Variants in GPR85 observed in about 807,000 individuals in gnomAD.
GPR85 encodes probable G protein-coupled receptor 85.
In GPR85, 7 loss-of-function variants were observed where a neutral mutation model predicts 21.3. The observed-to-expected ratio is 0.33, with a 90% CI of 0.19 to 0.62. GPR85 has a LOEUF of 0.62. Among genes scored for constraint, GPR85 ranks in the 20% least tolerant of loss-of-function variants. GPR85 has a pLI of 0.80. For missense variants in GPR85, 299 were observed against 443.8 expected (o/e 0.67, Z 2.93); for synonymous variants, 167 against 166.1 (o/e 1.01, Z -0.04).
rs1794208658 is a variant in GPR85, at chr7:113,084,139, G to A, written c.583C>T (p.Leu195Phe). The A allele has an allele frequency of 6.2e-7, 1 of 1,614,178 alleles. No homozygotes were observed. Among genetic ancestry groups the A allele is most frequent in the Non-Finnish European group, 8.5e-7 (1 of 1,180,028 alleles). ...LGFMLLLALILLATQLVYLKL... is the reference protein window; with the variant it reads ...LGFMLLLALIFLATQLVYLKL... ...AGGTAGACAAGCTGTGTGGCTAGGA[G>A]GATGAGAGCAAGAAGCAGCATAAAT... is the stretch of plus-strand genomic sequence containing the variant. Residue 195 changes from leucine (L) to phenylalanine (F), a missense_variant, in exon 3 of 3, where the codon CTC becomes TTC. Physicochemically the swap from Leu to Phe is conservative, Grantham distance 22. Transcript: ENST00000424100.
rs781318878 is a variant in GPR85, at chr7:113,083,668, T to C, written c.1054A>G (p.Thr352Ala). The C allele has an allele frequency of 8.7e-6, 14 of 1,614,038 alleles. No homozygotes were observed. Among genetic ancestry groups the C allele is most frequent in the Admixed American group, 1.7e-5 (1 of 60,002 alleles). ...SNRELRRCFS[T>A]TLLYCRKSRL... Reference sequence around the variant, plus strand: ...GATTTTCTGCAGTAAAGAAGGGTTGTGCTGAAACAGCGCCTCAGCTCCCTG... The same window carrying C: ...GATTTTCTGCAGTAAAGAAGGGTTGCGCTGAAACAGCGCCTCAGCTCCCTG... Residue 352 changes from threonine to alanine, a missense_variant, in exon 3 of 3, where the codon ACA (threonine) becomes GCA (alanine). Thr to Ala is a moderately conservative substitution (Grantham distance 58). This residue lies in a region of GPR85 where 198 missense variants were observed against 335.4 expected (regional missense o/e 0.59). Coordinates refer to ENST00000424100, the MANE Select transcript of GPR85 (RefSeq NM_001146267.2). The surrounding 1 kb of genome is among the most constrained non-coding windows in gnomAD (Gnocchi z 4.4).
In GPR85 at chr7:113,083,622, T is replaced by G; in HGVS notation, c.1100A>C (p.Tyr367Ser). 1 of 1,613,444 alleles carries G rather than the reference T, an allele frequency of 6.2e-7. No individual in the cohort carries two copies. Among genetic ancestry groups the G allele is most frequent in the Non-Finnish European group, 8.5e-7 (1 of 1,179,592 alleles). Reference protein sequence around the residue: ...CRKSRLPREPYCVI With the variant: ...CRKSRLPREPSCVI ...ACAGATGCTCCCTCATATAACACAG[T>G]AAGGTTCCCTTGGTAACCTGGATTT... Residue 367 changes from tyrosine to serine, a missense_variant, in exon 3 of 3, where the codon TAC becomes TCC. This residue lies in a region of GPR85 where 198 missense variants were observed against 335.4 expected (regional missense o/e 0.59). Coordinates refer to ENST00000424100, the MANE Select transcript of GPR85 (RefSeq NM_001146267.2). The surrounding 1 kb of genome is among the most constrained non-coding windows in gnomAD (Gnocchi z 4.4).
chr7:113,083,571 G>C lies in GPR85; in HGVS notation c.*38C>G, dbSNP rs746257901. 7 of 1,555,526 alleles carry C rather than the reference G, an allele frequency of 4.5e-6. No homozygotes were observed. The highest frequency in any genetic ancestry group is 6.1e-6 in the Non-Finnish European group (7 of 1,146,492). On this transcript the variant is annotated 3_prime_UTR_variant, in exon 3 of 3. Transcript: ENST00000424100. The surrounding 1 kb of genome is among the most constrained non-coding windows in gnomAD (Gnocchi z 4.4). Reference sequence around the variant, plus strand: ...GGGCCACAATTGCTCAGCAGAGAAGGTTAGTTTTCACAAGGCTAAAGATTT... The same window carrying C: ...GGGCCACAATTGCTCAGCAGAGAAGCTTAGTTTTCACAAGGCTAAAGATTT...
chr7:113,086,867 G>GT (rs1794319600), upstream of GPR85, among the ~76,000 whole-genome samples: 1 of 151,436 alleles, frequency 6.6e-6, no homozygotes, highest in Non-Finnish European at 1.5e-5. Context: ...CAGCTTCCCG[G>GT]AACCCTAACC....
chr7:113,087,674 G>T (rs150192277), upstream of GPR85: 100 of 153,788 alleles, frequency 6.5e-4, no homozygotes, highest in African/African-American at 2.3e-3. Context: ...CATGCTTTTT[G>T]CTTTATAATA....
At chr7:113,087,639 T>C (rs1464550564), upstream of GPR85, 1 of 154,380 alleles carries the variant, frequency 6.5e-6, no homozygotes, top group Non-Finnish European at 1.5e-5. Flanking sequence ...TAATTCCCAA[T>C]GTAAAACGTC....
In GPR85 at chr7:113,086,543, A is replaced by C. The variant is rs2115785787; in HGVS notation, c.-510T>G. On this transcript the variant is annotated 5_prime_UTR_variant, in exon 1 of 3. Coordinates refer to ENST00000424100, the MANE Select transcript of GPR85 (RefSeq NM_001146267.2). ...CCGCGTCCTCCCCTGTCGCAGCGGC[A>C]CCGTCTCCCCCAGTAACGCAGGGGC... 6.8e-6 allele frequency: 1 copy of C among 147,404 alleles called. No individual in the cohort carries two copies. The highest frequency in any genetic ancestry group is 2.2e-4 in the East Asian group (1 of 4,646). The allele number at this position is 147,404 out of a possible 1,614,324, so 9.1% of individuals were successfully genotyped here.
rs112444056 is a variant in GPR85, at chr7:113,083,555, T to C, written c.*54A>G. The C allele has an allele frequency of 2.0e-6, 3 of 1,488,922 alleles. No individual in the cohort carries two copies. The highest frequency in any genetic ancestry group is 2.7e-6 in the Non-Finnish European group (3 of 1,098,016). 92.2% of individuals were successfully genotyped at this position (1,488,922 alleles called of 1,614,324 possible). The stretch of plus-strand genomic sequence containing the variant: ...CTCAAAATATGGCTATGGGCCACAA[T>C]TGCTCAGCAGAGAAGGTTAGTTTTC... On this transcript the variant is annotated 3_prime_UTR_variant, in exon 3 of 3. Coordinates refer to ENST00000424100, the MANE Select transcript of GPR85 (RefSeq NM_001146267.2). The surrounding 1 kb of genome is among the most constrained non-coding windows in gnomAD (Gnocchi z 4.4).
rs1562996845 is a variant in GPR85, at chr7:113,086,413, TTTTG to T, written c.-384_-381del. 19 of 90,488 alleles carry T rather than the reference TTTTG, an allele frequency of 2.1e-4. No individual in the cohort carries two copies. Among genetic ancestry groups the T allele is most frequent in the African/African-American group, 7.4e-4 (16 of 21,678 alleles). 5.6% of individuals were successfully genotyped at this position (90,488 alleles called of 1,614,324 possible). ...TTCTTTTTCTTTTTTTTTTTTTTTTTTTTGTTTTTTGTTTTTTTTTTTTTTTTTT... is the reference window on the plus strand; with the variant it reads ...TTCTTTTTCTTTTTTTTTTTTTTTTTTTTTTTGTTTTTTTTTTTTTTTTTT... On this transcript the variant is annotated 5_prime_UTR_variant, in exon 1 of 3. An upstream open reading frame in the 5' UTR loses its in-frame stop. Coordinates refer to ENST00000424100, the MANE Select transcript of GPR85 (RefSeq NM_001146267.2).
At position 113,086,417 on chromosome 7, in the gene GPR85, GTTTTTTGTT is replaced by G. The variant is rs1794296529; in HGVS notation, c.-393_-385del. 1.4e-4 allele frequency: 9 copies of G among 66,646 alleles called. No individual in the cohort carries two copies. Among genetic ancestry groups the G allele is most frequent in the African/African-American group, 4.9e-4 (8 of 16,236 alleles). 4.1% of individuals were successfully genotyped at this position (66,646 alleles called of 1,614,324 possible). ...TTTTCTTTTTTTTTTTTTTTTTTTT[GTTTTTTGTT>G]TTTTTTTTTTTTTTTTTTGCCTTAG... is the stretch of plus-strand genomic sequence containing the variant. On this transcript the variant is annotated 5_prime_UTR_variant, in exon 1 of 3. Coordinates refer to ENST00000424100, the MANE Select transcript of GPR85 (RefSeq NM_001146267.2).
chr7:113,084,327 C>G lies in GPR85; in HGVS notation c.395G>C (p.Arg132Thr), dbSNP rs779677036. Residue 132 changes from arginine to threonine, a missense_variant, in exon 3 of 3, where the codon AGG (arginine) becomes ACG (threonine). Arg to Thr is a moderately conservative substitution (Grantham distance 71). Coordinates refer to ENST00000424100, the MANE Select transcript of GPR85 (RefSeq NM_001146267.2). ...AIAHHRFYTK[R>T]LTFWTCLAVI... The stretch of plus-strand genomic sequence containing the variant: ...AGCCAGACACGTCCAAAAGGTCAGC[C>G]TCTTTGTATAGAAGCGGTGATGGGC... 1 of 1,613,962 alleles carries G rather than the reference C, an allele frequency of 6.2e-7. No individual in the cohort carries two copies. Among genetic ancestry groups the G allele is most frequent in the African/African-American group, 1.3e-5 (1 of 74,906 alleles).
At chr7:113,085,434 C>T (rs772517446) in intron 2 of GPR85, among the ~76,000 whole-genome samples, 5 of 152,100 alleles carry the variant, frequency 3.3e-5, no homozygotes, top group Non-Finnish European at 7.4e-5. Context: ...CTTACTTGTC[C>T]CAAGATTTGA....
In GPR85 at chr7:113,086,077, G is replaced by T. The variant is rs367631404; in HGVS notation, c.-256C>A. Reference sequence around the variant, plus strand: ...GTCTGATATTCCTCAGTCTTGTAAGGCTTTCCAGAAATGGAGCTCTCAGTA... The same window carrying T: ...GTCTGATATTCCTCAGTCTTGTAAGTCTTTCCAGAAATGGAGCTCTCAGTA... On this transcript the variant is annotated 5_prime_UTR_variant, in exon 2 of 3. Transcript: ENST00000424100. 11 of 152,668 alleles carry T rather than the reference G, an allele frequency of 7.2e-5. No individual in the cohort carries two copies. The highest frequency in any genetic ancestry group is 2.6e-4 in the African/African-American group (11 of 41,514). The allele number at this position is 152,668 out of a possible 1,614,324, so 9.5% of individuals were successfully genotyped here.
Position 113,083,371 on chromosome 7 carries a change from A to G in GPR85, c.*238T>C. 1 of 470,346 alleles carries G rather than the reference A, an allele frequency of 2.1e-6. No homozygotes were observed. Among genetic ancestry groups the G allele is most frequent in the Non-Finnish European group, 3.7e-6 (1 of 267,020 alleles). 29.1% of individuals were successfully genotyped at this position (470,346 alleles called of 1,614,324 possible). On this transcript the variant is annotated 3_prime_UTR_variant, in exon 3 of 3. Coordinates refer to ENST00000424100, the MANE Select transcript of GPR85 (RefSeq NM_001146267.2). This position sits in a 1 kb window ranked among gnomAD's most constrained non-coding sequence, Gnocchi z 4.4. ...ATCTAGTTTTTGACCACATAAAGAA[A>G]CTTAGGGCAGTGGTTCAGTCCCTTC...
rs35953390 is a variant in GPR85 at position 113,084,894 on chromosome 7, GAA to G, written c.-170-5_-170-4del. 8,330 of 207,670 alleles carry G rather than the reference GAA, an allele frequency of 0.04. 18 individuals are homozygous for G. The highest frequency in any genetic ancestry group is 0.092 in the Middle Eastern group (63 of 688). 12.9% of individuals were successfully genotyped at this position (207,670 alleles called of 1,614,324 possible). A position where few individuals can be genotyped will look rare whatever the true frequency, so the allele number is the denominator to read the frequency against. ...CACTTGTTTTGCCATCAGAATATCTGAAAAAAAAAAAAAAAAAAACCTATCAG... is the reference window on the plus strand; with the variant it reads ...CACTTGTTTTGCCATCAGAATATCTGAAAAAAAAAAAAAAAAACCTATCAG... On this transcript the variant is annotated splice_region_variant and splice_polypyrimidine_tract_variant and intron_variant, in intron 2 of 2. Coordinates refer to ENST00000424100, the MANE Select transcript of GPR85 (RefSeq NM_001146267.2).
Position 113,082,465 on chromosome 7 carries a change from C to T in GPR85, c.*1144G>A, listed in dbSNP as rs1426563557. 1.3e-5 allele frequency: 2 copies of T among 152,468 alleles called. No individual in the cohort carries two copies. The highest frequency in any genetic ancestry group is 1.9e-4 in the East Asian group (1 of 5,198). The allele number at this position is 152,468 out of a possible 1,614,324, so 9.4% of individuals were successfully genotyped here. The stretch of plus-strand genomic sequence containing the variant: ...GCAGAAAGTATAAACAAGACTGTGC[C>T]TTCAGTAGAATAAATGCTTCACAAA... On this transcript the variant is annotated 3_prime_UTR_variant, in exon 3 of 3. Coordinates refer to ENST00000424100, the MANE Select transcript of GPR85 (RefSeq NM_001146267.2).
rs1794286524 is a variant in GPR85, at chr7:113,086,397, T to TTTTTTTTTTTTG, written c.-365_-364insCAAAAAAAAAAA. On this transcript the variant is annotated 5_prime_UTR_variant, in exon 1 of 3. Transcript: ENST00000424100. ...TGATTTTTTTCTTTTTTTCTTTTTC[T>TTTTTTTTTTTTG]TTTTTTTTTTTTTTTTTTTGTTTTT... is the stretch of plus-strand genomic sequence containing the variant. The TTTTTTTTTTTTG allele has an allele frequency of 2.5e-4, 4 of 16,298 alleles. No individual in the cohort carries two copies. The highest frequency in any genetic ancestry group is 4.5e-4 in the Non-Finnish European group (4 of 8,946). 1.0% of individuals were successfully genotyped at this position (16,298 alleles called of 1,614,324 possible). A position where few individuals can be genotyped will look rare whatever the true frequency, so the allele number is the denominator to read the frequency against.
rs751422485 is a variant in GPR85 at position 113,086,118 on chromosome 7, G to T, written c.-288-9C>A. On this transcript the variant is annotated splice_polypyrimidine_tract_variant and intron_variant, in intron 1 of 2. Coordinates refer to ENST00000424100, the MANE Select transcript of GPR85 (RefSeq NM_001146267.2). Reference sequence around the variant, plus strand: ...GCTCTCAGTAAGCCCTACTGAAGATGCATTGTCTGAATGTACTTCCATTAT... The same window carrying T: ...GCTCTCAGTAAGCCCTACTGAAGATTCATTGTCTGAATGTACTTCCATTAT... 1.3e-5 allele frequency: 2 copies of T among 152,218 alleles called. No homozygotes were observed. The highest frequency in any genetic ancestry group is 2.4e-5 in the African/African-American group (1 of 41,240). 9.4% of individuals were successfully genotyped at this position (152,218 alleles called of 1,614,324 possible). A position where few individuals can be genotyped will look rare whatever the true frequency, so the allele number is the denominator to read the frequency against.
At position 113,084,894 on chromosome 7, in the gene GPR85, G is replaced by GAAAA. The variant is rs35953390; in HGVS notation, c.-170-7_-170-4dup. On this transcript the variant is annotated splice_region_variant and splice_polypyrimidine_tract_variant and intron_variant, in intron 2 of 2. Transcript: ENST00000424100. ...CACTTGTTTTGCCATCAGAATATCTGAAAAAAAAAAAAAAAAAAACCTATC... is the reference window on the plus strand; with the variant it reads ...CACTTGTTTTGCCATCAGAATATCTGAAAAAAAAAAAAAAAAAAAAAAACCTATC... The GAAAA allele has an allele frequency of 1.0e-4, 21 of 210,158 alleles. No individual in the cohort carries two copies. Among genetic ancestry groups the GAAAA allele is most frequent in the South Asian group, 9.2e-4 (8 of 8,732 alleles). 13.0% of individuals were successfully genotyped at this position (210,158 alleles called of 1,614,324 possible).
Sources: allele counts gnomAD v4.1 joint callset (sites outside exome capture counted in the v4.1 genomes callset), GRCh38; gene constraint gnomAD v4.1.1; regional missense constraint gnomAD v4.1.1; non-coding constraint Gnocchi (gnomAD v3.1); transcripts MANE v1.5; gene names NCBI Gene and HGNC (gene_info 2026-07-23, HGNC 2026-07-21).